RIMS1: variants seen among roughly 807,000 people sequenced by gnomAD.
The protein encoded by RIMS1 is regulating synaptic membrane exocytosis protein 1.
In RIMS1, 83 loss-of-function variants were observed where a neutral mutation model predicts 214.1. The observed-to-expected ratio is 0.39, with a 90% CI of 0.32 to 0.47. RIMS1 has a LOEUF of 0.47. RIMS1 is among the 20% of genes least tolerant of loss of function. The pLI, the probability that RIMS1 is intolerant of heterozygous loss-of-function variation, is 0.99. For missense variants in RIMS1, 2,050 were observed against 2,161.8 expected (o/e 0.95, Z 1.03); for synonymous variants, 793 against 786.8 (o/e 1.01, Z -0.13).
At position 71,886,869 on chromosome 6, in the gene RIMS1, T is replaced by TGCTGCTGCTGCTGCTGCCGCCGCCGCC; in HGVS notation, c.-148_-122dup. 1.6e-6 allele frequency: 1 copy of TGCTGCTGCTGCTGCTGCCGCCGCCGCC among 623,842 alleles called. No homozygotes were observed. The highest frequency in any genetic ancestry group is 2.7e-6 in the Non-Finnish European group (1 of 370,908). 38.6% of individuals were successfully genotyped at this position (623,842 alleles called of 1,614,324 possible). ...ACTGGGTTCTCGCTCTCCCCGGCTCTGCTGCTGCTGCTGCTGCCGCCGCCG... is the reference window on the plus strand; with the variant it reads ...ACTGGGTTCTCGCTCTCCCCGGCTCTGCTGCTGCTGCTGCTGCCGCCGCCGCCGCTGCTGCTGCTGCTGCCGCCGCCG... On this transcript the variant is annotated 5_prime_UTR_variant, in exon 1 of 34. Coordinates refer to ENST00000521978, the MANE Select transcript of RIMS1 (RefSeq NM_014989.7).
intron 4 of RIMS1, among the ~76,000 whole-genome samples, chr6:72,163,963 T>G (rs915266293): frequency 1.3e-5 from 2 of 152,156 alleles, no homozygotes; most frequent in Admixed American, 1.3e-4. Flanking sequence ...TGCTGCCTTT[T>G]GTTTGGCTAT....
intron 2 of RIMS1, among the ~76,000 whole-genome samples, chr6:72,032,798 C>A (rs895823983): frequency 2.6e-5 from 4 of 152,148 alleles, no homozygotes; most frequent in African/African-American, 9.7e-5. Context: ...TCAGAAGGAT[C>A]TACGTGCCCT....
chr6:72,397,284 A>G (rs1192436440), intron 31 of RIMS1, among the ~76,000 whole-genome samples: 1 of 152,150 alleles, frequency 6.6e-6, no homozygotes, highest in Non-Finnish European at 1.5e-5. Flanking sequence ...AAAGGAAGGG[A>G]CTCATTCTAG....
At chr6:71,941,516 T>C (rs1045016864) in intron 1 of RIMS1, among the ~76,000 whole-genome samples, 1 of 152,214 alleles carries the variant, frequency 6.6e-6, no homozygotes, top group Non-Finnish European at 1.5e-5. Flanking sequence ...TTTGATTTTA[T>C]TTTTTGCTGT....
chr6:72,041,776 CA>C (rs1436013440), intron 2 of RIMS1, among the ~76,000 whole-genome samples: 5 of 151,912 alleles, frequency 3.3e-5, no homozygotes, highest in African/African-American at 1.2e-4. Flanking sequence ...TGTGCAGACA[CA>C]AAACACATAT....
intron 2 of RIMS1, among the ~76,000 whole-genome samples, chr6:72,016,974 G>A (rs963278619): frequency 1.3e-5 from 2 of 152,170 alleles, no homozygotes; most frequent in African/African-American, 4.8e-5. Flanking sequence ...ATGGTAATGT[G>A]CTAATAGACA....
chr6:72,375,126 G>A (rs2098336919), intron 29 of RIMS1, among the ~76,000 whole-genome samples: 1 of 152,204 alleles, frequency 6.6e-6, no homozygotes, highest in Non-Finnish European at 1.5e-5. Context: ...GCCACAGACT[G>A]GTACCAGTCC....
chr6:72,396,093 A>G (rs1027050025), intron 31 of RIMS1, among the ~76,000 whole-genome samples: 2 of 151,996 alleles, frequency 1.3e-5, no homozygotes, highest in Non-Finnish European at 2.9e-5. Flanking sequence ...TTTCATGAAC[A>G]CATGGTTGGT....
At chr6:72,360,573 G>C (rs1184615207) in intron 29 of RIMS1, among the ~76,000 whole-genome samples, 2 of 151,894 alleles carry the variant, frequency 1.3e-5, no homozygotes, top group Non-Finnish European at 2.9e-5. Context: ...AGTCGTATCA[G>C]TGCTAGCATT....
At chr6:72,132,468 T>G (rs931669350) in intron 4 of RIMS1, among the ~76,000 whole-genome samples, 1 of 152,212 alleles carries the variant, frequency 6.6e-6, no homozygotes, top group African/African-American at 2.4e-5. Flanking sequence ...ATTTTTGGAC[T>G]AATATTTATT....
intron 4 of RIMS1, among the ~76,000 whole-genome samples, chr6:72,127,332 T>A (rs1033173234): frequency 1.3e-5 from 2 of 152,186 alleles, no homozygotes. Flanking sequence ...TTGTGTGTTT[T>A]GTGTCACTTG....
At chr6:71,989,121 G>T (rs943528284) in intron 2 of RIMS1, among the ~76,000 whole-genome samples, 5 of 152,192 alleles carry the variant, frequency 3.3e-5, no homozygotes, top group African/African-American at 1.2e-4. Context: ...CAATAGTGGT[G>T]CATTATACAC....
chr6:72,007,308 C>A (rs759726279), intron 2 of RIMS1, among the ~76,000 whole-genome samples: 28 of 152,120 alleles, frequency 1.8e-4, no homozygotes, highest in Non-Finnish European at 3.1e-4. Context: ...GACATCCACA[C>A]CAAAATCCCA....
At chr6:72,340,631 C>T (rs2097038953) in intron 29 of RIMS1, among the ~76,000 whole-genome samples, 1 of 152,028 alleles carries the variant, frequency 6.6e-6, no homozygotes, top group Non-Finnish European at 1.5e-5. Flanking sequence ...TGTTCTGTTC[C>T]ATTGGTCTAT....
chr6:72,390,102 C>T (rs2098678464), intron 29 of RIMS1, among the ~76,000 whole-genome samples: 1 of 152,092 alleles, frequency 6.6e-6, no homozygotes, highest in Non-Finnish European at 1.5e-5. Context: ...AATTAAAATA[C>T]TAGTTTCTCT....
intron 2 of RIMS1, among the ~76,000 whole-genome samples, chr6:72,007,987 TG>T (rs1253436734): frequency 6.6e-6 from 1 of 152,116 alleles, no homozygotes; most frequent in East Asian, 1.9e-4. Flanking sequence ...ACAAAGATAC[TG>T]TTCGAGAAGA....
intron 6 of RIMS1, among the ~76,000 whole-genome samples, chr6:72,183,532 A>C (rs866085776): frequency 6.7e-6 from 1 of 149,856 alleles, no homozygotes; most frequent in African/African-American, 2.5e-5. Flanking sequence ...TTAAAAAAAA[A>C]CCACATCAGT....
At chr6:72,170,671 A>C (rs1209557587) in intron 4 of RIMS1, among the ~76,000 whole-genome samples, 1 of 152,150 alleles carries the variant, frequency 6.6e-6, no homozygotes, top group Non-Finnish European at 1.5e-5. Context: ...TTTTTTCACT[A>C]GAACATAAAC....
At chr6:71,892,924 C>A (rs1433508520) in intron 1 of RIMS1, among the ~76,000 whole-genome samples, 2 of 152,076 alleles carry the variant, frequency 1.3e-5, no homozygotes, top group African/African-American at 4.8e-5. Context: ...AACATTATGA[C>A]TTTTTATAGG....
Sources: gnomAD v4.1 joint callset for allele counts (sites outside exome capture counted in the v4.1 genomes callset) on GRCh38, gnomAD v4.1.1 for gene constraint, MANE v1.5 for transcripts, NCBI Gene and HGNC (gene_info 2026-07-23, HGNC 2026-07-21) for gene names.